The following LOXHD1 variants were observed in gnomAD, a reference collection of about 807,000 sequenced individuals.
LOXHD1 encodes lipoxygenase homology PLAT domains 1, also known as lipoxygenase homology domain-containing protein 1.
In LOXHD1, 205 loss-of-function variants were observed where a neutral mutation model predicts 248.2. The observed-to-expected ratio is 0.83, with a 90% CI of 0.74 to 0.93. The LOEUF is 0.93. Ranked by LOEUF, LOXHD1 falls within the 40% of genes least tolerant of loss-of-function variation. LOXHD1 has a pLI of 0.00. For synonymous variants in LOXHD1, 1,113 were observed against 1,162.8 expected, an observed-to-expected ratio of 0.96 and a Z score of 0.87; for missense variants, 2,930 against 2,971.6, an observed-to-expected ratio of 0.99 and a Z score of 0.33.
In LOXHD1 at chr18:46,489,051, G is replaced by A. The variant is rs1440393721; in HGVS notation, c.5970C>T (p.Ser1990=). The A allele has an allele frequency of 6.4e-7, 1 of 1,551,670 alleles. No homozygotes were observed. Among genetic ancestry groups the A allele is most frequent in the South Asian group, 1.2e-5 (1 of 84,054 alleles). Residue 1990 remains serine (S), a synonymous_variant, in exon 38 of 41, where the codon TCC becomes TCT. Coordinates refer to ENST00000642948, the MANE Select transcript of LOXHD1 (RefSeq NM_001384474.1). The part of the protein sequence containing the change: ...TFHFQCDCWL[S]KSEGDGQTVR... ...CCGTCTGCCCGTCACCCTCACTCTT[G>A]GAGAGCCAGCAGTCACACTGGAAGT...
chr18:46,489,236 C>T, intron 37 of LOXHD1, 94 bp from the exon 38 acceptor site: 3 of 1,333,856 alleles, frequency 2.2e-6, no homozygotes, highest in Admixed American at 2.0e-5. Flanking sequence ...CTGTGTGGCC[C>T]TGGACAAGTT....
Position 46,545,395 on chromosome 18 carries a change from T to C in LOXHD1, c.3541A>G (p.Ile1181Val). 6.4e-7 allele frequency: 1 copy of C among 1,552,054 alleles called. No individual in the cohort carries two copies. Among genetic ancestry groups the C allele is most frequent in the Non-Finnish European group, 8.7e-7 (1 of 1,146,952 alleles). ...KDKSTTFSVT[I>V]KTGVKKNAGT... Reference sequence around the variant, plus strand: ...GCATTCTTCTTAACCCCAGTCTTTATGGTCACTGAGAATGTGGTAGATTTA... The same window carrying C: ...GCATTCTTCTTAACCCCAGTCTTTACGGTCACTGAGAATGTGGTAGATTTA... Residue 1181 changes from isoleucine (I) to valine (V), a missense_variant, in exon 23 of 41, where the codon ATA becomes GTA. Physicochemically the swap from Ile to Val is conservative, Grantham distance 29. Coordinates refer to ENST00000642948, the MANE Select transcript of LOXHD1 (RefSeq NM_001384474.1).
downstream of LOXHD1, chr18:46,477,035 A>G (rs977282244): frequency 1.6e-5 from 10 of 630,552 alleles, no homozygotes; most frequent in Non-Finnish European, 2.3e-5. Flanking sequence ...AGCAGATGCT[A>G]AGATGAGTTC....
At chr18:46,495,660 A>G (rs4890662) in intron 37 of LOXHD1, among the ~76,000 whole-genome samples, 69,896 of 152,034 alleles carry the variant, frequency 0.46, 17,993 homozygotes, top group East Asian at 0.68. Flanking sequence ...ATACAGTACT[A>G]AGGAAATTTA....
intron 21 of LOXHD1, chr18:46,555,399 T>G: frequency 3.5e-6 from 1 of 288,150 alleles, no homozygotes; most frequent in Non-Finnish European, 7.0e-6. Flanking sequence ...CTACGGTCTT[T>G]ATGTGGTTTC....
chr18:46,604,076 C>T (rs1372034297), intron 7 of LOXHD1, 30 bp downstream of exon 7: 1 of 1,551,440 alleles, frequency 6.4e-7, no homozygotes, highest in South Asian at 1.2e-5. Flanking sequence ...GTGAAATACC[C>T]AAAAGAGCCT....
chr18:46,515,274 T>C (rs1353858195), intron 34 of LOXHD1, among the ~76,000 whole-genome samples: 1 of 152,204 alleles, frequency 6.6e-6, no homozygotes, highest in African/African-American at 2.4e-5. Flanking sequence ...CCATGACACA[T>C]GCCCAGTGGG....
At chr18:46,484,211 C>G (rs2143541483) in intron 39 of LOXHD1, among the ~76,000 whole-genome samples, 1 of 152,072 alleles carries the variant, frequency 6.6e-6, no homozygotes, top group African/African-American at 2.4e-5. Flanking sequence ...GGGGTAAGTG[C>G]CAGTCTAAGG....
At chr18:46,505,250 T>C (rs979185558) in intron 37 of LOXHD1, among the ~76,000 whole-genome samples, 1 of 151,928 alleles carries the variant, frequency 6.6e-6, no homozygotes, top group Admixed American at 6.6e-5. Context: ...GGCACAATCA[T>C]AGCTCACTGC....
intron 25 of LOXHD1, 51 bp downstream of exon 25, chr18:46,541,725 C>A: frequency 6.5e-7 from 1 of 1,543,388 alleles, no homozygotes; most frequent in Non-Finnish European, 8.8e-7. Flanking sequence ...GTTGGGGTAG[C>A]TGGTGATGGG....
In LOXHD1 at chr18:46,591,947, C is replaced by T. The variant is rs184173766; in HGVS notation, c.1640G>A (p.Arg547His). Residue 547 changes from arginine (R) to histidine (H), a missense_variant, in exon 12 of 41, where the codon CGC becomes CAC. Physicochemically the swap from Arg to His is conservative, Grantham distance 29. Coordinates refer to ENST00000642948, the MANE Select transcript of LOXHD1 (RefSeq NM_001384474.1). The part of the protein sequence containing the change: ...REMTAEGPTV[R>H]RIMGMARYHV... ...TCAGTACTTACTGCCCATGATCCTG[C>T]GCACTGTTGGGCCTTCTGCAGTCAT... 1.3e-4 allele frequency: 196 copies of T among 1,551,860 alleles called. 1 individual carries two copies. The highest frequency in any genetic ancestry group is 3.3e-4 in the Middle Eastern group (2 of 5,992).
At chr18:46,633,486 G>A (rs994007816) in intron 4 of LOXHD1, among the ~76,000 whole-genome samples, 5 of 152,080 alleles carry the variant, frequency 3.3e-5, no homozygotes, top group African/African-American at 1.2e-4. Flanking sequence ...ATGGACCAAA[G>A]ACCTAAATGT....
At chr18:46,519,661 T>C (rs1333252747) in intron 33 of LOXHD1, among the ~76,000 whole-genome samples, 2 of 152,124 alleles carry the variant, frequency 1.3e-5, no homozygotes, top group Non-Finnish European at 2.9e-5. Flanking sequence ...GCATAAAAAA[T>C]AGAATGATCA....
intron 40 of LOXHD1, among the ~76,000 whole-genome samples, chr18:46,478,638 T>C (rs1372140323): frequency 1.3e-5 from 2 of 152,182 alleles, no homozygotes; most frequent in Non-Finnish European, 2.9e-5. Context: ...GCAAAACTCC[T>C]CATGATCTGA....
At chr18:46,592,385 A>G (rs2038187722) in intron 11 of LOXHD1, 113 bp downstream of exon 11, 1 of 890,836 alleles carries the variant, frequency 1.1e-6, no homozygotes, top group Admixed American at 2.5e-5. Context: ...AACCCTTTTC[A>G]GTCCCTATTC....
chr18:46,566,509 C>T (rs2037645662), intron 16 of LOXHD1, 60 bp from the exon 17 acceptor site: 6 of 1,412,850 alleles, frequency 4.2e-6, no homozygotes, highest in Non-Finnish European at 5.8e-6. Context: ...TCCATGATCC[C>T]ATCCCTACCT....
chr18:46,610,587 G>T (rs1357729329), intron 6 of LOXHD1, among the ~76,000 whole-genome samples, 189 bp downstream of exon 6: 1 of 152,200 alleles, frequency 6.6e-6, no homozygotes, highest in Non-Finnish European at 1.5e-5. Context: ...GACTTCCTGT[G>T]AAGATGGTAA....
chr18:46,589,576 G>C (rs1346157886), intron 12 of LOXHD1, among the ~76,000 whole-genome samples: 1 of 152,148 alleles, frequency 6.6e-6, no homozygotes, highest in Non-Finnish European at 1.5e-5. Context: ...ATATTACCAG[G>C]AATAGCCCTC....
intron 4 of LOXHD1, among the ~76,000 whole-genome samples, chr18:46,622,673 G>A (rs2038685083): frequency 6.6e-6 from 1 of 152,186 alleles, no homozygotes; most frequent in Admixed American, 6.5e-5. Flanking sequence ...CTGAAGATTG[G>A]GGAAGGAGTC....
Sources: gnomAD v4.1 joint callset for allele counts (sites outside exome capture counted in the v4.1 genomes callset) on GRCh38, gnomAD v4.1.1 for gene constraint, MANE v1.5 for transcripts, NCBI Gene and HGNC (gene_info 2026-07-23, HGNC 2026-07-21) for gene names.